The following OR52W1 variants were observed in gnomAD, a reference collection of about 807,000 sequenced individuals.
OR52W1 encodes olfactory receptor family 52 subfamily W member 1.
For synonymous variants in OR52W1, 158 were observed against 165.1 expected (o/e 0.96, Z 0.33); for missense variants, 418 against 391.9 (o/e 1.07, Z -0.56).
rs929070405 is a variant in OR52W1 at position 6,199,806 on chromosome 11, G to C, written c.583G>C (p.Gly195Arg). The change falls in exon 1 of 1, where the codon GGT (glycine) becomes CGT (arginine). Residue 195 changes from glycine (G) to arginine (R), a missense_variant. Gly to Arg is a moderately radical substitution (Grantham distance 125). Coordinates refer to ENST00000311352, the MANE Select transcript of OR52W1 (RefSeq NM_001005178.1). ...CATGGCAGTGGTAGAACTGGTGGTG[G>C]GTAACACACAGGCCACCAACTTATA... is the stretch of plus-strand genomic sequence containing the variant. ...AHMAVVELVV[G>R]NTQATNLYGL... The C allele has an allele frequency of 1.5e-5, 24 of 1,614,164 alleles. No individual in the cohort carries two copies. Among genetic ancestry groups the C allele is most frequent in the Non-Finnish European group, 2.0e-5 (24 of 1,180,010 alleles).
In OR52W1 at chr11:6,199,720, T is replaced by C. The variant is rs749887893; in HGVS notation, c.497T>C (p.Leu166Pro). Reference protein sequence around the residue: ...KAVAIVVPFPLLVAKFEHFQA... With the variant: ...KAVAIVVPFPPLVAKFEHFQA... Reference sequence around the variant, plus strand: ...GTGGCTATTGTTGTACCTTTCCCACTGCTGGTGGCAAAGTTTGAGCACTTC... The same window carrying C: ...GTGGCTATTGTTGTACCTTTCCCACCGCTGGTGGCAAAGTTTGAGCACTTC... Residue 166 changes from leucine (L) to proline (P), a missense_variant, in exon 1 of 1, where the codon CTG (leucine) becomes CCG (proline). Transcript: ENST00000311352. The C allele has an allele frequency of 6.2e-7, 1 of 1,614,236 alleles. No homozygotes were observed. The highest frequency in any genetic ancestry group is 8.5e-7 in the Non-Finnish European group (1 of 1,180,028).
In OR52W1 at chr11:6,199,441, C is replaced by A. The variant is rs1267686508; in HGVS notation, c.218C>A (p.Ala73Asp). The A allele has an allele frequency of 6.2e-7, 1 of 1,614,192 alleles. No homozygotes were observed. The highest frequency in any genetic ancestry group is 8.5e-7 in the Non-Finnish European group (1 of 1,180,022). Residue 73 changes from alanine to aspartate, a missense_variant, in exon 1 of 1, where the codon GCC becomes GAC. Physicochemically the swap from Ala to Asp is moderately radical, Grantham distance 126. Transcript: ENST00000311352. ...PMFLLLAILA[A>D]TDLGLATSIA... The stretch of plus-strand genomic sequence containing the variant: ...TTTCTACTGTTGGCCATCCTGGCAG[C>A]CACAGACCTGGGCTTAGCCACATCT...
Position 6,199,496 on chromosome 11 carries a change from G to T in OR52W1, c.273G>T (p.Trp91Cys). ...CCCCAGGGTTGCTGGCTGTGCTGTG[G>T]CTTGGGCCCCGATCTGTGCCATATG... ...SIAPGLLAVL[W>C]LGPRSVPYAV... Residue 91 changes from tryptophan (W) to cysteine (C), a missense_variant, in exon 1 of 1, where the codon TGG becomes TGT. Physicochemically the swap from Trp to Cys is radical, Grantham distance 215 (BLOSUM62 -2). Transcript: ENST00000311352. 1 of 1,614,244 alleles carries T rather than the reference G, an allele frequency of 6.2e-7. No individual in the cohort carries two copies. Among genetic ancestry groups the T allele is most frequent in the Non-Finnish European group, 8.5e-7 (1 of 1,180,038 alleles).
Position 6,200,010 on chromosome 11 carries a change from TCCTA to T in OR52W1, c.791_794del (p.Tyr264SerfsTer?). On this transcript the variant is annotated frameshift_variant, in exon 1 of 1. Coordinates refer to ENST00000311352, the MANE Select transcript of OR52W1 (RefSeq NM_001005178.1). LOFTEE classifies it high-confidence loss of function. ...GGCCTTCTACATACCTGGTCTCTTC[TCCTA>T]CCTCACACACCGCTTTGGTCATCAC... 1 of 1,614,054 alleles carries T rather than the reference TCCTA, an allele frequency of 6.2e-7. No individual in the cohort carries two copies. Among genetic ancestry groups the T allele is most frequent in the South Asian group, 1.1e-5 (1 of 91,042 alleles).
rs747205909 is a variant in OR52W1, at chr11:6,199,927, C to T, written c.704C>T (p.Thr235Ile). The change falls in exon 1 of 1, where the codon ACC (threonine) becomes ATC (isoleucine). Residue 235 changes from threonine (T) to isoleucine (I), a missense_variant. Physicochemically the swap from Thr to Ile is moderately conservative, Grantham distance 89 (BLOSUM62 -1). Transcript: ENST00000311352. ...GCCCATGCTGTGCTGCAGCTACCTACCCGGGAGGCCCATGCCAAGGCCTTT... is the reference window on the plus strand; with the variant it reads ...GCCCATGCTGTGCTGCAGCTACCTATCCGGGAGGCCCATGCCAAGGCCTTT... ...LIAHAVLQLP[T>I]REAHAKAFGT... 2.5e-6 allele frequency: 4 copies of T among 1,614,024 alleles called. No individual in the cohort carries two copies. In the African/African-American group the frequency reaches 4.0e-5, roughly 16 times the overall value.
rs1196101185 is a variant in OR52W1 at position 6,199,677 on chromosome 11, G to A, written c.454G>A (p.Ala152Thr). The change falls in exon 1 of 1, where the codon GCC (alanine) becomes ACC (threonine). Residue 152 changes from alanine to threonine, a missense_variant. Ala to Thr is a moderately conservative substitution (Grantham distance 58). Transcript: ENST00000311352. ...TKACVGYAAL[A>T]LALKAVAIVV... ...AGCCTGTGTGGGTTATGCAGCCTTG[G>A]CCCTGGCACTGAAAGCTGTGGCTAT... The A allele has an allele frequency of 5.6e-6, 9 of 1,614,218 alleles. No individual in the cohort carries two copies. Among genetic ancestry groups the A allele is most frequent in the Non-Finnish European group, 7.6e-6 (9 of 1,180,038 alleles).
chr11:6,200,167 T>C lies in OR52W1; in HGVS notation c.944T>C (p.Phe315Ser). Residue 315 changes from phenylalanine to serine, a missense_variant, in exon 1 of 1, where the codon TTC (phenylalanine) becomes TCC (serine). Transcript: ENST00000311352. Reference protein sequence around the residue: ...IRDRLLETFTFRKSPL With the variant: ...IRDRLLETFTSRKSPL The stretch of plus-strand genomic sequence containing the variant: ...GACCGACTCCTGGAAACCTTCACAT[T>C]CAGAAAAAGCCCGTTGTAATGTCCA... The C allele has an allele frequency of 6.2e-7, 1 of 1,603,484 alleles. No individual in the cohort carries two copies. The highest frequency in any genetic ancestry group is 2.2e-5 in the East Asian group (1 of 44,854).
In OR52W1 at chr11:6,199,800, G is replaced by C. The variant is rs562890186; in HGVS notation, c.577G>C (p.Val193Leu). 6.2e-7 allele frequency: 1 copy of C among 1,614,218 alleles called. No individual in the cohort carries two copies. The highest frequency in any genetic ancestry group is 8.5e-7 in the Non-Finnish European group (1 of 1,180,034). The part of the protein sequence containing the change: ...YCAHMAVVEL[V>L]VGNTQATNLY... Reference sequence around the variant, plus strand: ...TGCACACATGGCAGTGGTAGAACTGGTGGTGGGTAACACACAGGCCACCAA... The same window carrying C: ...TGCACACATGGCAGTGGTAGAACTGCTGGTGGGTAACACACAGGCCACCAA... Residue 193 changes from valine (V) to leucine (L), a missense_variant, in exon 1 of 1, where the codon GTG becomes CTG. Coordinates refer to ENST00000311352, the MANE Select transcript of OR52W1 (RefSeq NM_001005178.1).
rs752804843 is a variant in OR52W1 at position 6,199,324 on chromosome 11, T to C, written c.101T>C (p.Leu34Pro). ...GGAAGTGCCCAGACTTGGCTGACAC[T>C]GGTCTTTGGGCCCATTTATCTGCTG... The part of the protein sequence containing the change: ...GLGSAQTWLT[L>P]VFGPIYLLAL... The change falls in exon 1 of 1, where the codon CTG (leucine) becomes CCG (proline). Residue 34 changes from leucine to proline, a missense_variant. Physicochemically the swap from Leu to Pro is moderately conservative, Grantham distance 98 (BLOSUM62 -3). Coordinates refer to ENST00000311352, the MANE Select transcript of OR52W1 (RefSeq NM_001005178.1). 2 of 1,614,218 alleles carry C rather than the reference T, an allele frequency of 1.2e-6. No individual in the cohort carries two copies. Among genetic ancestry groups the C allele is most frequent in the Admixed American group, 1.7e-5 (1 of 60,034 alleles).
Position 6,199,413 on chromosome 11 carries a change from A to G in OR52W1, c.190A>G (p.Met64Val), listed in dbSNP as rs750787017. ...VWIDSTLHQPMFLLLAILAAT... is the reference protein window; with the variant it reads ...VWIDSTLHQPVFLLLAILAAT... ...GATAGACTCCACACTGCACCAGCCC[A>G]TGTTTCTACTGTTGGCCATCCTGGC... is the stretch of plus-strand genomic sequence containing the variant. Residue 64 changes from methionine to valine, a missense_variant, in exon 1 of 1, where the codon ATG (methionine) becomes GTG (valine). By Grantham distance (21) the Met-to-Val change is conservative. Transcript: ENST00000311352. 2.5e-5 allele frequency: 41 copies of G among 1,614,024 alleles called. No individual in the cohort carries two copies. The Admixed American group carries it at 6.7e-4, about 26-fold the overall frequency.
At position 6,200,057 on chromosome 11, in the gene OR52W1, G is replaced by A; in HGVS notation, c.834G>A (p.Val278=). Residue 278 remains valine, a synonymous_variant, in exon 1 of 1, where the codon GTG becomes GTA. Coordinates refer to ENST00000311352, the MANE Select transcript of OR52W1 (RefSeq NM_001005178.1). Reference sequence around the variant, plus strand: ...GTCATCACACTGTCCCAAAGCCTGTGCACATCCTTCTCTCCAACATCTACT... The same window carrying A: ...GTCATCACACTGTCCCAAAGCCTGTACACATCCTTCTCTCCAACATCTACT... The part of the protein sequence containing the change: ...RFGHHTVPKP[V]HILLSNIYLL... 1 of 1,614,016 alleles carries A rather than the reference G, an allele frequency of 6.2e-7. No individual in the cohort carries two copies. Among genetic ancestry groups the A allele is most frequent in the Non-Finnish European group, 8.5e-7 (1 of 1,180,028 alleles).
rs776175122 is a variant in OR52W1, at chr11:6,199,238, A to G, written c.15A>G (p.Leu5=). The stretch of plus-strand genomic sequence containing the variant: ...CCCACCACAGAATGGCAGAAACTCT[A>G]CAACTCAATTCCACCTTCCTACACC... The part of the protein sequence containing the change: MAET[L]QLNSTFLHPN... Residue 5 remains leucine, a synonymous_variant, in exon 1 of 1, where the codon CTA becomes CTG. Transcript: ENST00000311352. The G allele has an allele frequency of 6.2e-6, 10 of 1,610,958 alleles. No homozygotes were observed. Among genetic ancestry groups the G allele is most frequent in the African/African-American group, 4.0e-5 (3 of 74,878 alleles).
Position 6,199,805 on chromosome 11 carries a change from G to A in OR52W1, c.582G>A (p.Val194=). The part of the protein sequence containing the change: ...CAHMAVVELV[V]GNTQATNLYG... The stretch of plus-strand genomic sequence containing the variant: ...ACATGGCAGTGGTAGAACTGGTGGT[G>A]GGTAACACACAGGCCACCAACTTAT... Residue 194 remains valine, a synonymous_variant, in exon 1 of 1, where the codon GTG becomes GTA. Transcript: ENST00000311352. 6.2e-7 allele frequency: 1 copy of A among 1,614,152 alleles called. No homozygotes were observed. The highest frequency in any genetic ancestry group is 8.5e-7 in the Non-Finnish European group (1 of 1,180,004).
At position 6,200,128 on chromosome 11, in the gene OR52W1, C is replaced by T. The variant is rs139467264; in HGVS notation, c.905C>T (p.Thr302Ile). Residue 302 changes from threonine to isoleucine, a missense_variant, in exon 1 of 1, where the codon ACC (threonine) becomes ATC (isoleucine). Coordinates refer to ENST00000311352, the MANE Select transcript of OR52W1 (RefSeq NM_001005178.1). ...AACCCCCTCATCTATGGGGCCCGCA[C>T]CAAGCAGATCAGAGACCGACTCCTG... ...ALNPLIYGARTKQIRDRLLET... is the reference protein window; with the variant it reads ...ALNPLIYGARIKQIRDRLLET... 1.9e-6 allele frequency: 3 copies of T among 1,610,518 alleles called. No individual in the cohort carries two copies. The highest frequency in any genetic ancestry group is 1.7e-5 in the Admixed American group (1 of 60,020).
Position 6,199,977 on chromosome 11 carries a change from G to T in OR52W1, c.754G>T (p.Val252Phe), listed in dbSNP as rs1007233607. ...AFGTCSSHIC[V>F]ILAFYIPGLF... is the part of the protein sequence containing the mutation. ...TGGTACATGTAGTTCTCACATCTGT[G>T]TCATTCTGGCCTTCTACATACCTGG... Residue 252 changes from valine to phenylalanine, a missense_variant, in exon 1 of 1, where the codon GTC becomes TTC. Coordinates refer to ENST00000311352, the MANE Select transcript of OR52W1 (RefSeq NM_001005178.1). 18 of 1,614,014 alleles carry T rather than the reference G, an allele frequency of 1.1e-5. No homozygotes were observed. Among genetic ancestry groups the T allele is most frequent in the Middle Eastern group, 1.6e-4 (1 of 6,084 alleles).
chr11:6,199,278 C>T lies in OR52W1; in HGVS notation c.55C>T (p.Leu19=), dbSNP rs1290792005. The change falls in exon 1 of 1, where the codon CTG becomes TTG. Residue 19 remains leucine, a synonymous_variant. Coordinates refer to ENST00000311352, the MANE Select transcript of OR52W1 (RefSeq NM_001005178.1). Reference sequence around the variant, plus strand: ...CTTCCTACACCCAAACTTCTTCATACTGACTGGCTTTCCAGGGCTAGGAAG... The same window carrying T: ...CTTCCTACACCCAAACTTCTTCATATTGACTGGCTTTCCAGGGCTAGGAAG... ...STFLHPNFFI[L]TGFPGLGSAQ... is the part of the protein sequence containing the mutation. The T allele has an allele frequency of 1.9e-6, 3 of 1,613,912 alleles. No homozygotes were observed. Among genetic ancestry groups the T allele is most frequent in the Non-Finnish European group, 2.5e-6 (3 of 1,179,866 alleles).
Position 6,200,159 on chromosome 11 carries a change from C to T in OR52W1, c.936C>T (p.Thr312=). The T allele has an allele frequency of 2.5e-6, 4 of 1,605,264 alleles. No individual in the cohort carries two copies. Among genetic ancestry groups the T allele is most frequent in the Non-Finnish European group, 3.4e-6 (4 of 1,179,854 alleles). The change falls in exon 1 of 1, where the codon ACC becomes ACT. Residue 312 remains threonine, a synonymous_variant. Coordinates refer to ENST00000311352, the MANE Select transcript of OR52W1 (RefSeq NM_001005178.1). Reference sequence around the variant, plus strand: ...AGATCAGAGACCGACTCCTGGAAACCTTCACATTCAGAAAAAGCCCGTTGT... The same window carrying T: ...AGATCAGAGACCGACTCCTGGAAACTTTCACATTCAGAAAAAGCCCGTTGT... The part of the protein sequence containing the change: ...TKQIRDRLLE[T]FTFRKSPL
Position 6,199,738 on chromosome 11 carries a change from A to G in OR52W1, c.515A>G (p.Glu172Gly). Residue 172 changes from glutamate (E) to glycine (G), a missense_variant, in exon 1 of 1, where the codon GAG becomes GGG. Coordinates refer to ENST00000311352, the MANE Select transcript of OR52W1 (RefSeq NM_001005178.1). ...TTCCCACTGCTGGTGGCAAAGTTTG[A>G]GCACTTCCAAGCCAAGACCATAGGC... ...VPFPLLVAKFEHFQAKTIGHT... is the reference protein window; with the variant it reads ...VPFPLLVAKFGHFQAKTIGHT... The G allele has an allele frequency of 6.2e-7, 1 of 1,614,200 alleles. No homozygotes were observed. The highest frequency in any genetic ancestry group is 8.5e-7 in the Non-Finnish European group (1 of 1,180,030).
rs748839013 is a variant in OR52W1, at chr11:6,199,464, T to G, written c.241T>G (p.Ser81Ala). The change falls in exon 1 of 1, where the codon TCT becomes GCT. Residue 81 changes from serine to alanine, a missense_variant. Transcript: ENST00000311352. ...LAATDLGLAT[S>A]IAPGLLAVLW... is the part of the protein sequence containing the mutation. ...AGCCACAGACCTGGGCTTAGCCACA[T>G]CTATAGCCCCAGGGTTGCTGGCTGT... 1.2e-6 allele frequency: 2 copies of G among 1,614,228 alleles called. No individual in the cohort carries two copies. The highest frequency in any genetic ancestry group is 1.7e-6 in the Non-Finnish European group (2 of 1,180,040).
Sources: gnomAD v4.1 joint callset for allele counts on GRCh38, gnomAD v4.1.1 for gene constraint, MANE v1.5 for transcripts, NCBI Gene and HGNC (gene_info 2026-07-23, HGNC 2026-07-21) for gene names.